The following RIT2 variants were observed in gnomAD, a reference collection of about 807,000 sequenced individuals.
RIT2 encodes the protein Ras like without CAAX 2, also known as GTP-binding protein Rit2.
Under a neutral mutation model 23.7 loss-of-function variants are expected in RIT2, and 24 were observed. That is an observed-to-expected ratio of 1.01 (90% confidence interval 0.73 to 1.43). RIT2 has a LOEUF of 1.43. RIT2 is among the 40% of genes most tolerant of loss of function. RIT2 has a pLI of 0.00. For synonymous variants in RIT2, 107 were observed against 91.1 expected, an observed-to-expected ratio of 1.17 and a Z score of -0.99; for missense variants, 236 against 266.9, an observed-to-expected ratio of 0.88 and a Z score of 0.81.
chr18:43,038,311 TG>T (rs745677120), intron 1 of RIT2, among the ~76,000 whole-genome samples: 8 of 117,424 alleles, frequency 6.8e-5, no homozygotes, highest in South Asian at 3.1e-4. Context: ...TATTGAATCG[TG>T]GTTTTTTTTT....
At chr18:42,775,101 A>G (rs1241668476) in intron 4 of RIT2, among the ~76,000 whole-genome samples, 3 of 152,214 alleles carry the variant, frequency 2.0e-5, no homozygotes, top group Non-Finnish European at 4.4e-5. Flanking sequence ...ACAACATAAC[A>G]AAAGTTTCTT....
intron 2 of RIT2, among the ~76,000 whole-genome samples, chr18:43,027,714 G>T (rs1221529491): frequency 6.6e-6 from 1 of 152,048 alleles, no homozygotes; most frequent in African/African-American, 2.4e-5. Context: ...TGTGTATCCA[G>T]AGCACCATTA....
Position 43,115,444 on chromosome 18 carries a change from G to A in RIT2, c.76C>T (p.Leu26=), listed in dbSNP as rs879702155. ...GGSREYKVVM[L]GAGGVGKSAM... ...CTTTTACCAACTCCCCCTGCTCCCA[G>A]CATTACCACCTTGTACTCTCTGGAC... The change falls in exon 1 of 5, where the codon CTG becomes TTG. Residue 26 remains leucine (L), a synonymous_variant. Transcript: ENST00000326695. 1 of 1,613,370 alleles carries A rather than the reference G, an allele frequency of 6.2e-7. No homozygotes were observed. The highest frequency in any genetic ancestry group is 8.5e-7 in the Non-Finnish European group (1 of 1,179,704).
At chr18:42,793,986 C>T (rs1247838783) in intron 4 of RIT2, among the ~76,000 whole-genome samples, 1 of 152,040 alleles carries the variant, frequency 6.6e-6, no homozygotes, top group Non-Finnish European at 1.5e-5. Flanking sequence ...CTCATTAGCA[C>T]CCTACAATTA....
At chr18:42,958,374 C>T (rs1404167067) in intron 3 of RIT2, among the ~76,000 whole-genome samples, 2 of 152,098 alleles carry the variant, frequency 1.3e-5, no homozygotes, top group African/African-American at 2.4e-5. Context: ...ATGCATTCAG[C>T]AGCTAGAAAT....
intron 4 of RIT2, among the ~76,000 whole-genome samples, chr18:42,750,685 T>C (rs983389534): frequency 7.9e-5 from 12 of 151,884 alleles, no homozygotes; most frequent in African/African-American, 2.9e-4. Flanking sequence ...CTTTTACTTA[T>C]CATATTAGTT....
intron 2 of RIT2, among the ~76,000 whole-genome samples, chr18:43,021,895 A>T (rs1263878041): frequency 6.6e-6 from 1 of 152,124 alleles, no homozygotes; most frequent in African/African-American, 2.4e-5. Flanking sequence ...AAAACAGTAT[A>T]GGGGTTTCCA....
chr18:42,784,551 G>A (rs1190508147), intron 4 of RIT2, among the ~76,000 whole-genome samples: 1 of 151,922 alleles, frequency 6.6e-6, no homozygotes, highest in Non-Finnish European at 1.5e-5. Context: ...CTCAGTAAAT[G>A]TAAGACATTT....
intron 1 of RIT2, among the ~76,000 whole-genome samples, chr18:43,048,554 A>C (rs568894791): frequency 6.6e-6 from 1 of 152,312 alleles, no homozygotes; most frequent in African/African-American, 2.4e-5. Context: ...AATACCCACT[A>C]TGGGGTTGTT....
chr18:42,818,228 T>C (rs1489464869), intron 4 of RIT2, among the ~76,000 whole-genome samples: 2 of 152,064 alleles, frequency 1.3e-5, no homozygotes, highest in African/African-American at 2.4e-5. Context: ...ATGCATTATC[T>C]GATACACACA....
chr18:43,072,058 T>C (rs1912910517), intron 1 of RIT2, among the ~76,000 whole-genome samples: 1 of 152,118 alleles, frequency 6.6e-6, no homozygotes, highest in South Asian at 2.1e-4. Flanking sequence ...TGATCTCAGC[T>C]CATTGCAATA....
intron 4 of RIT2, among the ~76,000 whole-genome samples, chr18:42,856,548 T>G (rs1020165011): frequency 6.6e-6 from 1 of 152,210 alleles, no homozygotes; most frequent in African/African-American, 2.4e-5. Flanking sequence ...GAGTGATTTT[T>G]CAGCAAAACT....
intron 1 of RIT2, among the ~76,000 whole-genome samples, chr18:43,109,222 G>C (rs1445831417): frequency 1.3e-5 from 2 of 152,178 alleles, no homozygotes; most frequent in African/African-American, 4.8e-5. Context: ...CCGTGGGAGA[G>C]AATATGTTTG....
intron 1 of RIT2, among the ~76,000 whole-genome samples, chr18:43,049,958 T>C (rs1912336189): frequency 7.1e-6 from 1 of 141,218 alleles, no homozygotes. Flanking sequence ...AATGGGTAAT[T>C]GAGAAGGGAT....
intron 4 of RIT2, among the ~76,000 whole-genome samples, chr18:42,887,860 A>G (rs1383819343): frequency 6.6e-6 from 1 of 152,182 alleles, no homozygotes; most frequent in Non-Finnish European, 1.5e-5. Flanking sequence ...GTCAGAAGAC[A>G]TGGAAGAAGC....
intron 3 of RIT2, among the ~76,000 whole-genome samples, chr18:42,930,290 T>A (rs1430497658): frequency 6.6e-6 from 1 of 151,350 alleles, no homozygotes; most frequent in Non-Finnish European, 1.5e-5. Context: ...GAGAAAACCA[T>A]GAAGGCTTTC....
chr18:42,798,695 C>T (rs1161897606), intron 4 of RIT2, among the ~76,000 whole-genome samples: 3 of 152,246 alleles, frequency 2.0e-5, no homozygotes, highest in Non-Finnish European at 4.4e-5. Context: ...TCTCCAACCC[C>T]TCCTCTCCAC....
intron 1 of RIT2, among the ~76,000 whole-genome samples, chr18:43,106,493 G>T (rs141273622): frequency 1.3e-5 from 2 of 151,550 alleles, no homozygotes; most frequent in Non-Finnish European, 2.9e-5. Context: ...TTTATTCGGC[G>T]TTCCATTGTA....
chr18:42,975,553 G>A (rs546013179), intron 2 of RIT2, among the ~76,000 whole-genome samples: 2 of 152,062 alleles, frequency 1.3e-5, no homozygotes, highest in Non-Finnish European at 2.9e-5. Context: ...AGACAGAGAG[G>A]ACCCTGAGCA....
Sources: gnomAD v4.1 joint callset for allele counts (sites outside exome capture counted in the v4.1 genomes callset) on GRCh38, gnomAD v4.1.1 for gene constraint, MANE v1.5 for transcripts, NCBI Gene and HGNC (gene_info 2026-07-23, HGNC 2026-07-21) for gene names.